TTC28: variants seen among roughly 807,000 people sequenced by gnomAD.
TTC28 encodes tetratricopeptide repeat domain 28, also known as tetratricopeptide repeat protein 28.
In TTC28, 61 loss-of-function variants were observed where a neutral mutation model predicts 198.0. That is an observed-to-expected ratio of 0.31 (90% CI 0.25 to 0.38). The LOEUF (loss-of-function observed/expected upper bound fraction) is 0.38, where lower values mean the gene tolerates loss of function less well. Ranked by LOEUF, TTC28 falls within the 10% of genes least tolerant of loss-of-function variation. TTC28 has a pLI of 1.00. For synonymous variants in TTC28, 1,171 were observed against 1,297.8 expected (o/e 0.90, Z 2.10); for missense variants, 2,678 against 3,164.0 (o/e 0.85, Z 3.69).
At chr22:28,014,523 T>A in intron 13 of TTC28, 131 bp from the exon 14 acceptor site, 1 of 1,042,468 alleles carries the variant, frequency 9.6e-7, no homozygotes, top group Non-Finnish European at 1.3e-6. Context: ...CCAGCCTCCC[T>A]CCCAGCTCCG....
intron 2 of TTC28, among the ~76,000 whole-genome samples, chr22:28,460,607 GTAGATAGA>G (rs4035771): frequency 0.32 from 45,919 of 144,268 alleles, 7,594 homozygotes; most frequent in Non-Finnish European, 0.33. Flanking sequence ...ATGATTAATG[GTAGATAGA>G]TAGATAGATA....
At chr22:28,594,044 G>A (rs1018948588) in intron 2 of TTC28, among the ~76,000 whole-genome samples, 15 of 151,916 alleles carry the variant, frequency 9.9e-5, no homozygotes, top group African/African-American at 3.4e-4. Context: ...ATACAAAGAC[G>A]AAAACAAAAA....
intron 12 of TTC28, among the ~76,000 whole-genome samples, chr22:28,037,290 CCAGCAACA>C (rs1939401510): frequency 6.6e-6 from 1 of 152,178 alleles, no homozygotes; most frequent in Non-Finnish European, 1.5e-5. Flanking sequence ...CAAACCGAAT[CCAGCAACA>C]CATCAAAAAG....
chr22:28,061,457 C>T (rs1940538008), intron 12 of TTC28, among the ~76,000 whole-genome samples: 1 of 152,172 alleles, frequency 6.6e-6, no homozygotes, highest in Non-Finnish European at 1.5e-5. Flanking sequence ...TTTCCCAGCA[C>T]CATTTATTAA....
intron 2 of TTC28, among the ~76,000 whole-genome samples, chr22:28,599,986 A>G (rs1020054725): frequency 9.9e-5 from 15 of 152,236 alleles, no homozygotes; most frequent in African/African-American, 3.6e-4. Context: ...TATTTATTGA[A>G]GGTTTACAAT....
intron 2 of TTC28, among the ~76,000 whole-genome samples, chr22:28,529,583 G>A (rs1459468215): frequency 6.6e-6 from 1 of 152,220 alleles, no homozygotes; most frequent in Non-Finnish European, 1.5e-5. Flanking sequence ...TGGAGTTTGA[G>A]ATCTGAGAAC....
intron 2 of TTC28, among the ~76,000 whole-genome samples, chr22:28,461,376 T>C (rs1194523504): frequency 1.3e-5 from 2 of 152,128 alleles, no homozygotes; most frequent in Non-Finnish European, 2.9e-5. Context: ...AGACTATCCT[T>C]AAAAACTGAC....
intron 2 of TTC28, among the ~76,000 whole-genome samples, chr22:28,519,781 G>C (rs2048864048): frequency 6.6e-6 from 1 of 152,174 alleles, no homozygotes; most frequent in Non-Finnish European, 1.5e-5. Context: ...TAGTCAACTT[G>C]CAATATAAAG....
intron 2 of TTC28, among the ~76,000 whole-genome samples, chr22:28,617,150 A>C (rs1481180507): frequency 6.6e-6 from 1 of 152,170 alleles, no homozygotes. Flanking sequence ...GGATTCAAGA[A>C]AATTCCAAAA....
intron 2 of TTC28, among the ~76,000 whole-genome samples, chr22:28,324,435 A>G (rs1047352643): frequency 1.3e-5 from 2 of 152,214 alleles, no homozygotes; most frequent in African/African-American, 4.8e-5. Flanking sequence ...ACACAAAAAA[A>G]AAAAAGAAAA....
chr22:28,311,375 A>G (rs2045253242), intron 2 of TTC28, among the ~76,000 whole-genome samples: 2 of 152,220 alleles, frequency 1.3e-5, no homozygotes, highest in African/African-American at 4.8e-5. Flanking sequence ...AAAAATGATT[A>G]TAAGAGGCCA....
At chr22:28,394,655 C>T (rs1421926181) in intron 2 of TTC28, among the ~76,000 whole-genome samples, 1 of 152,100 alleles carries the variant, frequency 6.6e-6, no homozygotes, top group East Asian at 1.9e-4. Flanking sequence ...AAACTTGGGC[C>T]AAAATGAATT....
intron 12 of TTC28, among the ~76,000 whole-genome samples, chr22:28,058,478 T>C (rs1940382984): frequency 6.6e-6 from 1 of 152,268 alleles, no homozygotes; most frequent in South Asian, 2.1e-4. Context: ...ACCAGCCTTA[T>C]ATTTCTGGGA....
chr22:27,994,030 C>T (rs1569072582), intron 17 of TTC28, among the ~76,000 whole-genome samples: 2 of 152,224 alleles, frequency 1.3e-5, no homozygotes, highest in African/African-American at 4.8e-5. Flanking sequence ...CCGGGAAGTG[C>T]CCTCATGTCA....
rs146882964 is a variant in TTC28, at chr22:28,675,654, A to G, written c.102+3968T>C. On this transcript the variant is annotated intron_variant, in intron 1 of 22. Coordinates refer to ENST00000397906, the MANE Select transcript of TTC28 (RefSeq NM_001145418.2). The stretch of plus-strand genomic sequence containing the variant: ...TCAGGAGGCTCAGGTGGGAGGATCA[A>G]CTGAGCCCAGGGAGGTCCAGGCTGC... 5.7e-3 allele frequency among the ~76,000 whole-genome samples: 862 copies of G among 151,396 alleles called. 9 individuals carry two copies. Among genetic ancestry groups the G allele is most frequent in the African/African-American group, 0.02 (836 of 41,224 alleles).
At chr22:28,319,234 G>T (rs906950547) in intron 2 of TTC28, among the ~76,000 whole-genome samples, 72 of 152,100 alleles carry the variant, frequency 4.7e-4, no homozygotes, top group African/African-American at 1.6e-3. Context: ...ATGTCACCCT[G>T]TTCAGGTCCC....
At chr22:28,639,403 A>G (rs2051326268) in intron 1 of TTC28, among the ~76,000 whole-genome samples, 1 of 152,208 alleles carries the variant, frequency 6.6e-6, no homozygotes, top group African/African-American at 2.4e-5. Flanking sequence ...TTACGCCTAG[A>G]GAGTAGGATC....
chr22:28,111,683 C>T (rs1942485152), intron 6 of TTC28, among the ~76,000 whole-genome samples: 1 of 152,170 alleles, frequency 6.6e-6, no homozygotes, highest in Admixed American at 6.5e-5. Flanking sequence ...GCCCAAATCT[C>T]CCTTGGAGCA....
At position 28,248,657 on chromosome 22, in the gene TTC28, C is replaced by T. The variant is rs544845050; in HGVS notation, c.933+47541G>A. 3.3e-5 allele frequency among the ~76,000 whole-genome samples: 5 copies of T among 152,256 alleles called. No homozygotes were observed. In the South Asian group the frequency reaches 1.0e-3, roughly 32 times the overall value. On this transcript the variant is annotated intron_variant, in intron 5 of 22. Coordinates refer to ENST00000397906, the MANE Select transcript of TTC28 (RefSeq NM_001145418.2). ...ACTGAAGCCACAATGGAGTTGCTTA[C>T]TCAAGCAGATAGAAAATATCCTGCC...
Sources: allele counts gnomAD v4.1 joint callset (sites outside exome capture counted in the v4.1 genomes callset), GRCh38; gene constraint gnomAD v4.1.1; transcripts MANE v1.5; gene names NCBI Gene and HGNC (gene_info 2026-07-23, HGNC 2026-07-21).